TTLL4: variants seen among roughly 807,000 people sequenced by gnomAD.
TTLL4 encodes tubulin tyrosine ligase like 4.
In TTLL4, 85 loss-of-function variants were observed where a neutral mutation model predicts 122.7. That is an observed-to-expected ratio of 0.69 (90% CI 0.58 to 0.83). The LOEUF (loss-of-function observed/expected upper bound fraction) is 0.83. Ranked by LOEUF, TTLL4 falls within the 40% of genes least tolerant of loss-of-function variation. The pLI, the probability that TTLL4 is intolerant of heterozygous loss-of-function variation, is 0.00. For synonymous variants in TTLL4, 553 were observed against 563.0 expected, an observed-to-expected ratio of 0.98 and a Z score of 0.25; for missense variants, 1,363 against 1,488.6, an observed-to-expected ratio of 0.92 and a Z score of 1.39.
intron 1 of TTLL4, among the ~76,000 whole-genome samples, chr2:218,725,506 CTG>C (rs1431497157): frequency 6.6e-6 from 1 of 152,104 alleles, no homozygotes; most frequent in Non-Finnish European, 1.5e-5. Flanking sequence ...CACTTTAACT[CTG>C]TCCTCCATGC....
chr2:218,740,509 TC>T lies in TTLL4; in HGVS notation c.1598-10del. On this transcript the variant is annotated splice_polypyrimidine_tract_variant and intron_variant, in intron 4 of 19. Coordinates refer to ENST00000392102, the MANE Select transcript of TTLL4 (RefSeq NM_014640.5). ...CTTCTAGTCAGAATTTCTCTGTTCT[TC>T]CTTCCTCTAGGAGACTCAGAGTGCT... 6.2e-7 allele frequency: 1 copy of T among 1,614,118 alleles called. No homozygotes were observed. The highest frequency in any genetic ancestry group is 1.7e-5 in the Admixed American group (1 of 60,024).
chr2:218,750,258 C>G, intron 15 of TTLL4, 112 bp downstream of exon 15: 1 of 1,438,412 alleles, frequency 7.0e-7, no homozygotes, highest in Non-Finnish European at 9.3e-7. Flanking sequence ...CCTTGCTGCT[C>G]AATCTTGCCC....
In TTLL4 at chr2:218,747,193, C is replaced by T; in HGVS notation, c.2165C>T (p.Pro722Leu). The T allele has an allele frequency of 1.9e-6, 3 of 1,614,178 alleles. No homozygotes were observed. The highest frequency in any genetic ancestry group is 2.5e-6 in the Non-Finnish European group (3 of 1,180,030). ...AGCCGCCAAAAGTGGATTGTGAAGCCAGTGAGTGAATCACAGTGGGCAGGA... is the reference window on the plus strand; with the variant it reads ...AGCCGCCAAAAGTGGATTGTGAAGCTAGTGAGTGAATCACAGTGGGCAGGA... ...SSSRQKWIVK[P>L]PASARGIGIQ... Residue 722 changes from proline to leucine, a missense_variant and splice_region_variant, in exon 9 of 20, where the codon CCA becomes CTA. Around this residue, in one of 3 missense-constraint regions of TTLL4, gnomAD observed 596 missense variants for 655.8 expected, o/e 0.91. Coordinates refer to ENST00000392102, the MANE Select transcript of TTLL4 (RefSeq NM_014640.5). This position sits in a 1 kb window ranked among gnomAD's most constrained non-coding sequence, Gnocchi z 4.7.
chr2:218,747,796 G>T lies in TTLL4; in HGVS notation c.2378+71G>T. The T allele has an allele frequency of 6.3e-7, 1 of 1,587,220 alleles. No homozygotes were observed. The highest frequency in any genetic ancestry group is 8.6e-7 in the Non-Finnish European group (1 of 1,163,200). ...ATTTTCCTTGGAGGGAGGGAAACTA[G>T]AAGACACCAAACAGAAAAATAGTTT... On this transcript the variant is annotated intron_variant, in intron 11 of 19. Transcript: ENST00000392102. This position sits in a 1 kb window ranked among gnomAD's most constrained non-coding sequence, Gnocchi z 4.7.
chr2:218,744,680 C>T (rs1020145831), intron 5 of TTLL4, among the ~76,000 whole-genome samples: 15 of 152,198 alleles, frequency 9.9e-5, no homozygotes, highest in Admixed American at 8.5e-4. Flanking sequence ...AGTCTCTACA[C>T]CTCAGATCTT....
At position 218,738,289 on chromosome 2, in the gene TTLL4, A is replaced by G; in HGVS notation, c.613A>G (p.Ile205Val). 3 of 1,614,038 alleles carry G rather than the reference A, an allele frequency of 1.9e-6. No homozygotes were observed. Among genetic ancestry groups the G allele is most frequent in the Non-Finnish European group, 2.5e-6 (3 of 1,180,020 alleles). ...KSLASAISGK[I>V]PSPLSSSYKP... ...CCTGGCCTCTGCCATCTCAGGGAAG[A>G]TCCCATCTCCACTCTCTTCCTCCTA... Residue 205 changes from isoleucine (I) to valine (V), a missense_variant, in exon 3 of 20, where the codon ATC becomes GTC. Transcript: ENST00000392102.
Position 218,745,244 on chromosome 2 carries a change from C to T in TTLL4, c.1786+11C>T. On this transcript the variant is annotated intron_variant, in intron 6 of 19. Coordinates refer to ENST00000392102, the MANE Select transcript of TTLL4 (RefSeq NM_014640.5). ...CTCGGGATGAGAGAGGTAAACCTGGCCAAGTGTCAAAGCCCAGAAGAGCCC... is the reference window on the plus strand; with the variant it reads ...CTCGGGATGAGAGAGGTAAACCTGGTCAAGTGTCAAAGCCCAGAAGAGCCC... The T allele has an allele frequency of 6.2e-7, 1 of 1,613,814 alleles. No homozygotes were observed. Among genetic ancestry groups the T allele is most frequent in the Non-Finnish European group, 8.5e-7 (1 of 1,179,812 alleles).
intron 5 of TTLL4, among the ~76,000 whole-genome samples, chr2:218,744,161 T>A (rs1223654357): frequency 6.6e-6 from 1 of 152,246 alleles, no homozygotes; most frequent in Non-Finnish European, 1.5e-5. Flanking sequence ...ATTAAAAATC[T>A]TTAAGAGTTA....
At chr2:218,717,909 C>T (rs1941913566) in intron 1 of TTLL4, among the ~76,000 whole-genome samples, 1 of 152,134 alleles carries the variant, frequency 6.6e-6, no homozygotes. Context: ...GGCCATTCTC[C>T]TGCCTCAGCC....
rs1248365433 is a variant in TTLL4 at position 218,739,098 on chromosome 2, G to A, written c.1422G>A (p.Leu474=). The A allele has an allele frequency of 6.2e-7, 1 of 1,614,102 alleles. No homozygotes were observed. Residue 474 remains leucine, a synonymous_variant, in exon 3 of 20, where the codon CTG becomes CTA. Coordinates refer to ENST00000392102, the MANE Select transcript of TTLL4 (RefSeq NM_014640.5). ...CCACCCGCCTCTCTTCCATCCAGCT[G>A]GGCCAGTCTGAGAAGGAGAGACCTG... The part of the protein sequence containing the change: ...NVATRLSSIQ[L]GQSEKERPEE...
intron 1 of TTLL4, among the ~76,000 whole-genome samples, chr2:218,712,682 C>T (rs758430377): frequency 5.9e-5 from 9 of 152,120 alleles, no homozygotes; most frequent in Non-Finnish European, 1.2e-4. Flanking sequence ...CCACCGCGCC[C>T]GGCCCCAATG....
chr2:218,740,966 G>A (rs905526222), intron 5 of TTLL4, among the ~76,000 whole-genome samples: 2 of 152,060 alleles, frequency 1.3e-5, no homozygotes, highest in African/African-American at 2.4e-5. Context: ...CCAGCTGCTC[G>A]GGAGGCTGAG....
chr2:218,756,345 A>G (rs923922744), downstream of TTLL4, among the ~76,000 whole-genome samples: 3 of 152,176 alleles, frequency 2.0e-5, no homozygotes, highest in Admixed American at 1.3e-4. Context: ...TGGGGGAAGC[A>G]TGGTGGGGGA....
chr2:218,748,918 G>A lies in TTLL4; in HGVS notation c.2584G>A (p.Val862Ile). The change falls in exon 13 of 20, where the codon GTC becomes ATC. Residue 862 changes from valine (V) to isoleucine (I), a missense_variant. Around this residue, in one of 3 missense-constraint regions of TTLL4, gnomAD observed 596 missense variants for 655.8 expected, o/e 0.91. Transcript: ENST00000392102. ...AIWEKIKDVV[V>I]KTIISSEPYV... ...CTGGGAGAAGATAAAGGATGTTGTT[G>A]TCAAAACTATCATCTCGTGAGTCAC... The A allele has an allele frequency of 6.2e-7, 1 of 1,614,156 alleles. No homozygotes were observed. Among genetic ancestry groups the A allele is most frequent in the Non-Finnish European group, 8.5e-7 (1 of 1,180,016 alleles).
chr2:218,737,767 A>G lies in TTLL4; in HGVS notation c.91A>G (p.Thr31Ala). The change falls in exon 3 of 20, where the codon ACG (threonine) becomes GCG (alanine). Residue 31 changes from threonine (T) to alanine (A), a missense_variant. Physicochemically the swap from Thr to Ala is moderately conservative, Grantham distance 58 (BLOSUM62 0). Around this residue, in one of 3 missense-constraint regions of TTLL4, gnomAD observed 760 missense variants for 808.4 expected, o/e 0.94. Transcript: ENST00000392102. ...QSGPSGTVPA[T>A]PPEKPSEGRV... ...TGGTCCCTCAGGCACAGTACCTGCC[A>G]CGCCACCTGAGAAACCCTCGGAGGG... 1 of 1,613,994 alleles carries G rather than the reference A, an allele frequency of 6.2e-7. No individual in the cohort carries two copies. Among genetic ancestry groups the G allele is most frequent in the South Asian group, 1.1e-5 (1 of 91,082 alleles).
chr2:218,722,014 G>A (rs996934884), intron 1 of TTLL4, among the ~76,000 whole-genome samples: 1 of 152,050 alleles, frequency 6.6e-6, no homozygotes, highest in East Asian at 1.9e-4. Flanking sequence ...AGGTGTAGGG[G>A]TTCATGTCTG....
chr2:218,715,119 T>C (rs541510846), intron 1 of TTLL4, among the ~76,000 whole-genome samples: 2 of 152,360 alleles, frequency 1.3e-5, no homozygotes, highest in South Asian at 4.1e-4. Context: ...AAAATATTAG[T>C]GAGAAGAGTG....
In TTLL4 at chr2:218,754,294, T is replaced by A. The variant is rs761652522; in HGVS notation, c.3505T>A (p.Leu1169Ile). Residue 1169 changes from leucine to isoleucine, a missense_variant, in exon 20 of 20, where the codon TTA becomes ATA. By Grantham distance (5) the Leu-to-Ile change is conservative. Around this residue, in one of 3 missense-constraint regions of TTLL4, gnomAD observed 596 missense variants for 655.8 expected, o/e 0.91. Coordinates refer to ENST00000392102, the MANE Select transcript of TTLL4 (RefSeq NM_014640.5). ...SKEPSLSTQT[L>I]PVIKCSGQTS... ...AGAGCCCAGCCTTTCTACCCAGACG[T>A]TACCTGTGATCAAGTGCTCTGGGCA... 3.1e-6 allele frequency: 5 copies of A among 1,614,192 alleles called. No individual in the cohort carries two copies. Among genetic ancestry groups the A allele is most frequent in the Non-Finnish European group, 4.2e-6 (5 of 1,180,020 alleles).
chr2:218,718,689 T>C (rs1941942265), intron 1 of TTLL4, among the ~76,000 whole-genome samples: 1 of 152,222 alleles, frequency 6.6e-6, no homozygotes, highest in African/African-American at 2.4e-5. Context: ...GCAATAGATT[T>C]TCTAACATAG....
Sources: gnomAD v4.1 joint callset for allele counts (sites outside exome capture counted in the v4.1 genomes callset) on GRCh38, gnomAD v4.1.1 for gene constraint, gnomAD v4.1.1 regional missense constraint, Gnocchi (gnomAD v3.1) non-coding constraint, MANE v1.5 for transcripts, NCBI Gene and HGNC (gene_info 2026-07-23, HGNC 2026-07-21) for gene names.